UBR1: variants seen among roughly 807,000 people sequenced by gnomAD.
The protein encoded by UBR1 is ubiquitin protein ligase E3 component n-recognin 1.
In UBR1, 102 loss-of-function variants were observed where a neutral mutation model predicts 242.1. The ratio of observed to expected loss-of-function variants is 0.42; its 90% CI spans 0.36 to 0.50. The LOEUF (loss-of-function observed/expected upper bound fraction) is 0.50, where lower values mean the gene tolerates loss of function less well. UBR1 is among the 20% of genes least tolerant of loss of function. The pLI, the probability that UBR1 is intolerant of heterozygous loss-of-function variation, is 0.01. For synonymous variants in UBR1, 675 were observed against 684.8 expected (o/e 0.99, Z 0.22); for missense variants, 1,772 against 2,101.8 (o/e 0.84, Z 3.07).
rs1474560079 is a variant in UBR1, at chr15:43,070,892, C to T, written c.562G>A (p.Val188Ile). 6.2e-7 allele frequency: 1 copy of T among 1,613,544 alleles called. No individual in the cohort carries two copies. Among genetic ancestry groups the T allele is most frequent in the Non-Finnish European group, 8.5e-7 (1 of 1,179,978 alleles). ...GAAGGAAATATTTTCCTGGCTTGGA[C>T]AATTACCTCTTCATTCAACGGACAG... ...SRCPLNEEVI[V>I]QARKIFPSVI... is the part of the protein sequence containing the mutation. Residue 188 changes from valine to isoleucine, a missense_variant, in exon 5 of 47, where the codon GTC becomes ATC. Around this residue, in one of 3 missense-constraint regions of UBR1, gnomAD observed 734 missense variants for 893.3 expected, o/e 0.82. Coordinates refer to ENST00000290650, the MANE Select transcript of UBR1 (RefSeq NM_174916.3).
chr15:43,102,117 C>T (rs1013243626), intron 1 of UBR1, among the ~76,000 whole-genome samples: 1 of 152,008 alleles, frequency 6.6e-6, no homozygotes, highest in African/African-American at 2.4e-5. Flanking sequence ...ACAACACAAC[C>T]GCTGCCATGA....
At chr15:43,073,800 T>G (rs991185919) in intron 4 of UBR1, among the ~76,000 whole-genome samples, 7 of 152,214 alleles carry the variant, frequency 4.6e-5, no homozygotes, top group African/African-American at 1.7e-4. Context: ...TGCATGAGCT[T>G]GCCTTATACT....
At chr15:42,978,815 G>A (rs1161135314) in intron 37 of UBR1, among the ~76,000 whole-genome samples, 3 of 146,346 alleles carry the variant, frequency 2.0e-5, no homozygotes, top group South Asian at 4.3e-4. Flanking sequence ...CGCAACCTCC[G>A]CCTCCCAGGT....
intron 29 of UBR1, among the ~76,000 whole-genome samples, chr15:43,013,913 G>A (rs2032964932): frequency 6.8e-6 from 1 of 147,112 alleles, no homozygotes; most frequent in African/African-American, 2.5e-5. Context: ...CTCTTTCCAT[G>A]GTCTCCCTCT....
At chr15:43,023,151 G>A (rs941240727) in intron 25 of UBR1, among the ~76,000 whole-genome samples, 1 of 152,122 alleles carries the variant, frequency 6.6e-6, no homozygotes, top group African/African-American at 2.4e-5. Context: ...GCAATTACAG[G>A]TATGGGCCAC....
In UBR1 at chr15:43,048,476, G is replaced by A; in HGVS notation, c.1455C>T (p.Ser485=). ...ATCTTTCTGTCCATATTGTGGGTTT[G>A]CTGATCAGGATATACCTATCGTTTC... ...VICDLKYILI[S]KPTIWTERLR... is the part of the protein sequence containing the mutation. The change falls in exon 13 of 47, where the codon AGC becomes AGT. Residue 485 remains serine (S), a synonymous_variant. Coordinates refer to ENST00000290650, the MANE Select transcript of UBR1 (RefSeq NM_174916.3). 6.2e-7 allele frequency: 1 copy of A among 1,613,376 alleles called. No individual in the cohort carries two copies. The highest frequency in any genetic ancestry group is 1.7e-4 in the Middle Eastern group (1 of 6,008).
At chr15:43,001,041 C>T (rs567020338) in intron 32 of UBR1, among the ~76,000 whole-genome samples, 10 of 152,192 alleles carry the variant, frequency 6.6e-5, no homozygotes, top group Admixed American at 6.5e-4. Context: ...GCCATATTGG[C>T]CAGGCTGGTC....
At position 43,021,566 on chromosome 15, in the gene UBR1, T is replaced by C. The variant is rs183789899; in HGVS notation, c.2840-191A>G. Among the ~76,000 whole-genome samples the C allele has an allele frequency of 2.3e-3, 346 of 152,344 alleles. 1 individual carries two copies. Among genetic ancestry groups the C allele is most frequent in the African/African-American group, 8.1e-3 (337 of 41,586 alleles). On this transcript the variant is annotated intron_variant, in intron 26 of 46. Transcript: ENST00000290650. ...ATGCTTTAAATCATCTCTAGATTAC[T>C]TATAATGCCTAATACAATGTAAATG...
intron 20 of UBR1, among the ~76,000 whole-genome samples, chr15:43,032,185 A>AATTATAAGACAC (rs151011120): frequency 0.015 from 2,275 of 152,324 alleles, 43 homozygotes; most frequent in African/African-American, 0.052. Context: ...ATCTCAACTG[A>AATTATAAGACAC]ATTTCTATGG....
intron 31 of UBR1, chr15:43,003,416 C>T (rs1567121471): frequency 3.9e-6 from 1 of 258,424 alleles, no homozygotes; most frequent in Non-Finnish European, 7.6e-6. Flanking sequence ...CCACCACACT[C>T]AGCTAATTTT....
intron 32 of UBR1, among the ~76,000 whole-genome samples, chr15:43,000,584 C>T (rs759351921): frequency 1.1e-4 from 16 of 152,112 alleles, no homozygotes; most frequent in Non-Finnish European, 2.2e-4. Flanking sequence ...TTAGGTCTGT[C>T]TTGGGACAAG....
At chr15:42,997,795 C>T (rs1190525691) in intron 33 of UBR1, among the ~76,000 whole-genome samples, 3 of 152,044 alleles carry the variant, frequency 2.0e-5, no homozygotes, top group Non-Finnish European at 1.5e-5. Context: ...ATTATTATCC[C>T]CGATTTGCAA....
intron 35 of UBR1, among the ~76,000 whole-genome samples, chr15:42,987,224 C>T (rs1009060802): frequency 2.0e-5 from 3 of 152,184 alleles, no homozygotes; most frequent in African/African-American, 7.2e-5. Context: ...TCTCTATGGG[C>T]TTAAGATCAA....
chr15:43,023,221 T>TA (rs2033133296), intron 25 of UBR1, among the ~76,000 whole-genome samples: 1 of 151,948 alleles, frequency 6.6e-6, no homozygotes, highest in Non-Finnish European at 1.5e-5. Context: ...AGCTGATAGG[T>TA]AAAAAACACG....
In UBR1 at chr15:43,095,028, C is replaced by T. The variant is rs1035651067; in HGVS notation, c.82-8788G>A. On this transcript the variant is annotated intron_variant, in intron 1 of 46. Coordinates refer to ENST00000290650, the MANE Select transcript of UBR1 (RefSeq NM_174916.3). ...GTCATGCCCCAATTTTTTAGGCTTT[C>T]CTTGAAGTATCTGGATAAGTAAAAT... Among the ~76,000 whole-genome samples the T allele has an allele frequency of 3.9e-5, 6 of 152,124 alleles. 1 individual carries two copies. The South Asian group carries it at 1.0e-3, about 26-fold the overall frequency.
chr15:43,005,424 G>A (rs1596096484), intron 30 of UBR1, among the ~76,000 whole-genome samples: 2 of 151,356 alleles, frequency 1.3e-5, no homozygotes, highest in African/African-American at 2.4e-5. Flanking sequence ...GAGGGAGGTG[G>A]GGGGCAGCCC....
intron 34 of UBR1, 117 bp from the exon 35 acceptor site, chr15:42,989,084 C>T (rs1256260245): frequency 2.3e-6 from 2 of 868,016 alleles, no homozygotes; most frequent in Non-Finnish European, 3.5e-6. Context: ...AAGTAAACTG[C>T]TCTTTGCCAA....
At chr15:42,958,319 A>C (rs1411823088) in intron 43 of UBR1, among the ~76,000 whole-genome samples, 1 of 152,234 alleles carries the variant, frequency 6.6e-6, no homozygotes, top group African/African-American at 2.4e-5. Flanking sequence ...TTCTAGGACT[A>C]AACTGTTATA....
chr15:43,077,416 G>A (rs996907183), intron 3 of UBR1, among the ~76,000 whole-genome samples: 11 of 151,844 alleles, frequency 7.2e-5, no homozygotes, highest in South Asian at 2.1e-4. Context: ...TTAAGGGTGC[G>A]AGATGTGCTT....
Sources: allele counts gnomAD v4.1 joint callset (sites outside exome capture counted in the v4.1 genomes callset), GRCh38; gene constraint gnomAD v4.1.1; regional missense constraint gnomAD v4.1.1; transcripts MANE v1.5; gene names NCBI Gene and HGNC (gene_info 2026-07-23, HGNC 2026-07-21).